AUTS2: variants seen among roughly 807,000 people sequenced by gnomAD.
AUTS2 encodes activator of transcription and developmental regulator AUTS2, also known as autism susceptibility gene 2 protein.
A neutral mutation model predicts 112.4 loss-of-function variants in AUTS2; 17 were observed. The ratio of observed to expected loss-of-function variants is 0.15; its 90% CI spans 0.10 to 0.23. AUTS2 has a LOEUF of 0.23. Ranked by LOEUF, AUTS2 falls within the 10% of genes least tolerant of loss-of-function variation. The pLI is 1.00. For synonymous variants in AUTS2, 751 were observed against 702.7 expected, an observed-to-expected ratio of 1.07 and a Z score of -1.09; for missense variants, 1,510 against 1,701.6, an observed-to-expected ratio of 0.89 and a Z score of 1.98.
chr7:69,891,593 C>G (rs1395672826), intron 1 of AUTS2, among the ~76,000 whole-genome samples: 1 of 151,718 alleles, frequency 6.6e-6, no homozygotes, highest in African/African-American at 2.4e-5. Context: ...ATATTCTCAC[C>G]AGTAGTGTAT....
chr7:70,754,585 T>G (rs1585631041), intron 6 of AUTS2, among the ~76,000 whole-genome samples: 1 of 152,268 alleles, frequency 6.6e-6, no homozygotes, highest in Admixed American at 6.5e-5. Context: ...GGATTGCCAG[T>G]GTTTAAACAT....
intron 4 of AUTS2, among the ~76,000 whole-genome samples, chr7:70,269,837 T>C (rs1481063291): frequency 6.6e-6 from 1 of 152,218 alleles, no homozygotes; most frequent in Non-Finnish European, 1.5e-5. Context: ...CTATTTGCTA[T>C]TGCTTCCTTT....
intron 4 of AUTS2, among the ~76,000 whole-genome samples, chr7:70,400,240 G>A (rs1562935985): frequency 6.6e-6 from 1 of 152,176 alleles, no homozygotes; most frequent in African/African-American, 2.4e-5. Flanking sequence ...GCAGCCTTGG[G>A]AAAATTAGTA....
At chr7:69,610,974 T>G (rs2129078839) in intron 1 of AUTS2, among the ~76,000 whole-genome samples, 1 of 152,356 alleles carries the variant, frequency 6.6e-6, no homozygotes, top group East Asian at 1.9e-4. Context: ...TCAAAACATC[T>G]AATTATACCC....
At chr7:70,096,599 T>TAAAAAAAAAAAA (rs374942971) in intron 2 of AUTS2, among the ~76,000 whole-genome samples, 1 of 84,702 alleles carries the variant, frequency 1.2e-5, no homozygotes, top group African/African-American at 4.5e-5. Context: ...AACTCCATCT[T>TAAAAAAAAAAAA]AAAAAAAAAA....
intron 1 of AUTS2, among the ~76,000 whole-genome samples, chr7:69,711,980 A>C (rs1249885744): frequency 1.3e-5 from 2 of 152,192 alleles, no homozygotes. Flanking sequence ...AGAATTCCTA[A>C]TCAGCCTTAC....
At chr7:69,781,133 C>T (rs1480774498) in intron 1 of AUTS2, among the ~76,000 whole-genome samples, 1 of 152,196 alleles carries the variant, frequency 6.6e-6, no homozygotes, top group East Asian at 1.9e-4. Flanking sequence ...TTAGCCTTTT[C>T]TGTTTTCTAC....
At chr7:70,047,804 A>C (rs2129558753) in intron 2 of AUTS2, among the ~76,000 whole-genome samples, 1 of 152,284 alleles carries the variant, frequency 6.6e-6, no homozygotes, top group South Asian at 2.1e-4. Flanking sequence ...TCCAAGTTTT[A>C]AGTGCAGAAG....
chr7:70,329,566 AT>A (rs927501027), intron 4 of AUTS2, among the ~76,000 whole-genome samples: 18 of 148,120 alleles, frequency 1.2e-4, no homozygotes, highest in South Asian at 4.3e-4. Flanking sequence ...CCATTTTTAT[AT>A]TTTTTTTTAG....
chr7:70,114,302 G>A (rs958344685), intron 2 of AUTS2, among the ~76,000 whole-genome samples: 1 of 152,186 alleles, frequency 6.6e-6, no homozygotes, highest in African/African-American at 2.4e-5. Context: ...TCTTGTAATA[G>A]CTGCCATGGA....
At chr7:70,468,170 A>T (rs1483545309) in intron 5 of AUTS2, among the ~76,000 whole-genome samples, 1 of 152,210 alleles carries the variant, frequency 6.6e-6, no homozygotes, top group Admixed American at 6.5e-5. Context: ...GAGGGAAAAC[A>T]TGTGACCCAG....
chr7:70,013,778 C>T (rs911111309), intron 2 of AUTS2, among the ~76,000 whole-genome samples: 5 of 152,230 alleles, frequency 3.3e-5, no homozygotes, highest in Admixed American at 6.5e-5. Flanking sequence ...AGTGCAGTGG[C>T]GCGAACTCGG....
intron 4 of AUTS2, among the ~76,000 whole-genome samples, chr7:70,296,384 AT>A (rs1343691269): frequency 6.6e-6 from 1 of 152,234 alleles, no homozygotes; most frequent in Non-Finnish European, 1.5e-5. Flanking sequence ...TGTTTTTAAA[AT>A]TTGGAAAACA....
intron 1 of AUTS2, among the ~76,000 whole-genome samples, chr7:69,798,699 A>G (rs1789956485): frequency 4.6e-5 from 7 of 152,174 alleles, no homozygotes. Context: ...TTGCCCGAAC[A>G]ATTAAAAATA....
intron 5 of AUTS2, among the ~76,000 whole-genome samples, chr7:70,658,541 G>T (rs1480762597): frequency 6.6e-6 from 1 of 152,210 alleles, no homozygotes; most frequent in African/African-American, 2.4e-5. Context: ...ACAGACAAGA[G>T]CACAGGCTTC....
At chr7:69,937,928 C>T (rs1179332099) in intron 2 of AUTS2, among the ~76,000 whole-genome samples, 1 of 152,124 alleles carries the variant, frequency 6.6e-6, no homozygotes, top group Non-Finnish European at 1.5e-5. Context: ...GCAGAGTGCA[C>T]TAGAGAAATC....
intron 6 of AUTS2, among the ~76,000 whole-genome samples, chr7:70,730,036 C>G (rs1787281000): frequency 6.6e-6 from 1 of 152,152 alleles, no homozygotes; most frequent in Admixed American, 6.5e-5. Flanking sequence ...GCACACGCCA[C>G]CACGCCCGGC....
intron 4 of AUTS2, among the ~76,000 whole-genome samples, chr7:70,254,520 T>A (rs1786757986): frequency 6.6e-6 from 1 of 152,194 alleles, no homozygotes; most frequent in Non-Finnish European, 1.5e-5. Context: ...TACTAAGCAC[T>A]CATTTGTTTT....
chr7:70,456,283 TTTTACTTTTAC>T (rs1361037908), intron 5 of AUTS2, among the ~76,000 whole-genome samples: 1 of 152,196 alleles, frequency 6.6e-6, no homozygotes. Flanking sequence ...AAGCTTTTAC[TTTTACTTTTAC>T]TTTACTTAAA....
Sources: gnomAD v4.1 joint callset for allele counts (sites outside exome capture counted in the v4.1 genomes callset) on GRCh38, gnomAD v4.1.1 for gene constraint, MANE v1.5 for transcripts, NCBI Gene and HGNC (gene_info 2026-07-23, HGNC 2026-07-21) for gene names.